The following OTOG variants were observed in gnomAD, a reference collection of about 807,000 sequenced individuals.
OTOG encodes the protein otogelin.
A neutral mutation model predicts 313.8 loss-of-function variants in OTOG; 296 were observed. The observed-to-expected ratio is 0.94, with a 90% CI of 0.86 to 1.04. The LOEUF (loss-of-function observed/expected upper bound fraction) is 1.04, where lower values mean the gene tolerates loss of function less well. Among genes scored for constraint, OTOG ranks in the 50% least tolerant of loss-of-function variants. The pLI, the probability that OTOG is intolerant of heterozygous loss-of-function variation, is 0.00. For synonymous variants in OTOG, 1,533 were observed against 1,554.9 expected (o/e 0.99, Z 0.33); for missense variants, 3,948 against 3,840.1 (o/e 1.03, Z -0.74).
At chr11:17,587,654 A>G (rs1485223585) in intron 24 of OTOG, among the ~76,000 whole-genome samples, 1 of 152,216 alleles carries the variant, frequency 6.6e-6, no homozygotes, top group Non-Finnish European at 1.5e-5. Context: ...GGTCAAGCCC[A>G]TCTGCTCCAA....
At chr11:17,593,928 T>C in intron 27 of OTOG, 119 bp from the exon 28 acceptor site, 1 of 1,432,108 alleles carries the variant, frequency 7.0e-7, no homozygotes, top group East Asian at 2.5e-5. Context: ...CTCTTCAAAC[T>C]GTGACCTCAG....
chr11:17,627,705 G>A (rs963332501), intron 39 of OTOG, among the ~76,000 whole-genome samples: 12 of 152,110 alleles, frequency 7.9e-5, no homozygotes, highest in African/African-American at 2.7e-4. Context: ...TGAAGCCATC[G>A]GATCCCAGGC....
At position 17,629,139 on chromosome 11, in the gene OTOG, G is replaced by A. The variant is rs1287695716; in HGVS notation, c.6535G>A (p.Val2179Met). The A allele has an allele frequency of 2.6e-6, 4 of 1,550,302 alleles. No individual in the cohort carries two copies. Among genetic ancestry groups the A allele is most frequent in the South Asian group, 1.2e-5 (1 of 83,994 alleles). ...TIDRFNRKVT[V>M]DLQPVWPPVS... ...CACTGAATTCCCTCCCAAGGTGACT[G>A]TGGACTTGCAGCCTGTGTGGCCACC... Residue 2179 changes from valine to methionine, a missense_variant, in exon 40 of 56, where the codon GTG (valine) becomes ATG (methionine). Physicochemically the swap from Val to Met is conservative, Grantham distance 21. Coordinates refer to ENST00000399397, the MANE Select transcript of OTOG (RefSeq NM_001292063.2).
At chr11:17,599,948 C>T (rs917830817) in intron 31 of OTOG, among the ~76,000 whole-genome samples, 6 of 152,140 alleles carry the variant, frequency 3.9e-5, no homozygotes, top group Non-Finnish European at 8.8e-5. Context: ...GGACTGTGCT[C>T]GGCAGGGCAG....
rs1346748080 is a variant in OTOG at position 17,576,633 on chromosome 11, G to A, written c.2561+3G>A. Reference sequence around the variant, plus strand: ...GACATCCCATCCCTGGGCCACTGGTGAGCTCCGTAGGTAGCAGCCTTCTTG... The same window carrying A: ...GACATCCCATCCCTGGGCCACTGGTAAGCTCCGTAGGTAGCAGCCTTCTTG... On this transcript the variant is annotated splice_donor_region_variant and intron_variant, in intron 21 of 55. Coordinates refer to ENST00000399397, the MANE Select transcript of OTOG (RefSeq NM_001292063.2). The A allele has an allele frequency of 1.3e-6, 2 of 1,547,256 alleles. No individual in the cohort carries two copies. The highest frequency in any genetic ancestry group is 3.9e-5 in the Admixed American group (2 of 51,000).
At chr11:17,560,854 T>C in intron 13 of OTOG, 37 bp downstream of exon 13, 1 of 1,510,672 alleles carries the variant, frequency 6.6e-7, no homozygotes, top group Non-Finnish European at 9.0e-7. Context: ...GTGTGGGGCA[T>C]GGCCGCTGAG....
intron 32 of OTOG, among the ~76,000 whole-genome samples, chr11:17,604,116 C>A (rs1853321510): frequency 6.6e-6 from 1 of 152,200 alleles, no homozygotes; most frequent in Non-Finnish European, 1.5e-5. Context: ...CAGGCGCCAG[C>A]CGTTTGGCTC....
chr11:17,610,567 C>T lies in OTOG; in HGVS notation c.5267C>T (p.Thr1756Ile). 1.3e-6 allele frequency: 2 copies of T among 1,550,554 alleles called. No homozygotes were observed. Among genetic ancestry groups the T allele is most frequent in the Non-Finnish European group, 1.7e-6 (2 of 1,146,926 alleles). The change falls in exon 36 of 56, where the codon ACC becomes ATC. Residue 1756 changes from threonine to isoleucine, a missense_variant. Coordinates refer to ENST00000399397, the MANE Select transcript of OTOG (RefSeq NM_001292063.2). Reference protein sequence around the residue: ...PSAPPRPAQHTTMATRSPALP... With the variant: ...PSAPPRPAQHITMATRSPALP... The stretch of plus-strand genomic sequence containing the variant: ...GCACCACCCCGCCCAGCCCAGCATA[C>T]CACCATGGCCACCAGGTCTCCAGCT...
At chr11:17,608,115 C>T (rs1853432787) in intron 33 of OTOG, among the ~76,000 whole-genome samples, 181 bp from the exon 34 acceptor site, 2 of 152,198 alleles carry the variant, frequency 1.3e-5, no homozygotes, top group South Asian at 2.1e-4. Flanking sequence ...TCCCCAGGAT[C>T]CCCCAGGCAC....
intron 3 of OTOG, among the ~76,000 whole-genome samples, chr11:17,549,467 C>T (rs1422878295): frequency 1.3e-5 from 2 of 152,180 alleles, no homozygotes; most frequent in Non-Finnish European, 2.9e-5. Flanking sequence ...GCCCACACTT[C>T]CAGGCCCTAA....
chr11:17,585,544 C>G (rs1203371889), intron 23 of OTOG, among the ~76,000 whole-genome samples: 5 of 152,142 alleles, frequency 3.3e-5, no homozygotes, highest in Non-Finnish European at 7.3e-5. Flanking sequence ...CTACTACTTA[C>G]TTTGGATTTA....
chr11:17,582,860 T>C (rs1411055742), intron 23 of OTOG, among the ~76,000 whole-genome samples: 2 of 152,158 alleles, frequency 1.3e-5, no homozygotes, highest in African/African-American at 4.8e-5. Context: ...ATACAAGTCC[T>C]TTGTCAGGCA....
At position 17,641,873 on chromosome 11, in the gene OTOG, C is replaced by A. The variant is rs1427223667; in HGVS notation, c.8217C>A (p.Asp2739Glu). 6.5e-7 allele frequency: 1 copy of A among 1,550,130 alleles called. No homozygotes were observed. The highest frequency in any genetic ancestry group is 8.7e-7 in the Non-Finnish European group (1 of 1,146,808). Residue 2739 changes from aspartate (D) to glutamate (E), a missense_variant, in exon 52 of 56, where the codon GAC becomes GAA. Asp to Glu is a conservative substitution (Grantham distance 45). Coordinates refer to ENST00000399397, the MANE Select transcript of OTOG (RefSeq NM_001292063.2). Reference protein sequence around the residue: ...EANQEYEHPRDLAACCGSCRN... With the variant: ...EANQEYEHPRELAACCGSCRN... ...ACCAGGAGTACGAGCACCCGCGGGA[C>A]CTCGCTGCCTGCTGCGGCTCCTGCA... is the stretch of plus-strand genomic sequence containing the variant.
rs1342686764 is a variant in OTOG at position 17,641,167 on chromosome 11, G to T, written c.8190+76G>T. ...CAGACCTTGGGTGCTCCAGGAGCCA[G>T]AGGGGCCCTTGAAGCTGCCCTAAAC... On this transcript the variant is annotated intron_variant, in intron 51 of 55. Transcript: ENST00000399397. 2.8e-6 allele frequency: 4 copies of T among 1,440,524 alleles called. No individual in the cohort carries two copies. In the African/African-American group the frequency reaches 5.6e-5, roughly 20 times the overall value. 89.2% of individuals were successfully genotyped at this position (1,440,524 alleles called of 1,614,324 possible). A position where few individuals can be genotyped will look rare whatever the true frequency, so the allele number is the denominator to read the frequency against.
chr11:17,633,834 C>T lies in OTOG; in HGVS notation c.7227C>T (p.His2409=), dbSNP rs920672110. The T allele has an allele frequency of 7.1e-6, 11 of 1,549,140 alleles. No individual in the cohort carries two copies. The African/African-American group carries it at 1.4e-4, about 19-fold the overall frequency. Residue 2409 remains histidine (H), a synonymous_variant, in exon 43 of 56, where the codon CAC becomes CAT. Transcript: ENST00000399397. The stretch of plus-strand genomic sequence containing the variant: ...TCTGCTCCGAGGGCACCATCTTACA[C>T]CGGCGCCACTCTGCACTCTGCATCC... ...GCVCSEGTIL[H]RRHSALCIPE...
chr11:17,594,267 G>A (rs1168617518), intron 28 of OTOG, 101 bp downstream of exon 28: 1 of 1,431,986 alleles, frequency 7.0e-7, no homozygotes, highest in Non-Finnish European at 9.5e-7. Flanking sequence ...CTGGTGTGAG[G>A]TTTCTCCTGC....
intron 12 of OTOG, among the ~76,000 whole-genome samples, chr11:17,559,964 T>A (rs1486960140): frequency 4.0e-5 from 6 of 148,402 alleles, no homozygotes; most frequent in Admixed American, 4.0e-4. Context: ...AATTAACAAA[T>A]GAATAAATGG....
Position 17,640,928 on chromosome 11 carries a change from G to A in OTOG, c.8027G>A (p.Cys2676Tyr). 1.3e-6 allele frequency: 2 copies of A among 1,548,388 alleles called. No individual in the cohort carries two copies. The highest frequency in any genetic ancestry group is 1.7e-6 in the Non-Finnish European group (2 of 1,146,926). The change falls in exon 51 of 56, where the codon TGT (cysteine) becomes TAT (tyrosine). Residue 2676 changes from cysteine to tyrosine, a missense_variant. Physicochemically the swap from Cys to Tyr is radical, Grantham distance 194 (BLOSUM62 -2). Coordinates refer to ENST00000399397, the MANE Select transcript of OTOG (RefSeq NM_001292063.2). Reference sequence around the variant, plus strand: ...GCCCATCCAGTGAAGGCCCCGGTGTGTCTGAGCCGCGAGCTGGGTGTGATG... The same window carrying A: ...GCCCATCCAGTGAAGGCCCCGGTGTATCTGAGCCGCGAGCTGGGTGTGATG... ...AKYECVKAPV[C>Y]LSRELGVMQP...
chr11:17,575,699 C>A (rs975118400), intron 20 of OTOG, among the ~76,000 whole-genome samples: 2 of 152,170 alleles, frequency 1.3e-5, no homozygotes, highest in Non-Finnish European at 2.9e-5. Flanking sequence ...AGAGAGGCCC[C>A]TTTAGGGTAA....
Sources: gnomAD v4.1 joint callset for allele counts (sites outside exome capture counted in the v4.1 genomes callset) on GRCh38, gnomAD v4.1.1 for gene constraint, MANE v1.5 for transcripts, NCBI Gene and HGNC (gene_info 2026-07-23, HGNC 2026-07-21) for gene names.